The following MTHFD1L variants were observed in gnomAD, a reference collection of about 807,000 sequenced individuals.
MTHFD1L encodes monofunctional C1-tetrahydrofolate synthase, mitochondrial.
A neutral mutation model predicts 119.5 loss-of-function variants in MTHFD1L; 81 were observed. The ratio of observed to expected loss-of-function variants is 0.68; its 90% CI spans 0.57 to 0.82. The LOEUF is 0.82. Ranked by LOEUF, MTHFD1L falls within the 40% of genes least tolerant of loss-of-function variation. MTHFD1L has a pLI of 0.00. For missense variants in MTHFD1L, 1,125 were observed against 1,253.4 expected (o/e 0.90, Z 1.55); for synonymous variants, 430 against 475.2 (o/e 0.90, Z 1.24).
chr6:150,937,086 C>A (rs906146132), intron 12 of MTHFD1L, 146 bp downstream of exon 12: 2 of 1,027,032 alleles, frequency 1.9e-6, no homozygotes, highest in Non-Finnish European at 2.7e-6. Context: ...ATAGTGGTCG[C>A]CCCATGTTGG....
intron 26 of MTHFD1L, among the ~76,000 whole-genome samples, chr6:151,048,524 A>G (rs1331306683): frequency 6.6e-6 from 1 of 152,146 alleles, no homozygotes; most frequent in African/African-American, 2.4e-5. Context: ...AGGGCTAGGG[A>G]ATCTTCAAGG....
At chr6:151,042,287 T>C (rs563741124) in intron 26 of MTHFD1L, among the ~76,000 whole-genome samples, 1 of 152,330 alleles carries the variant, frequency 6.6e-6, no homozygotes, top group South Asian at 2.1e-4. Context: ...CTTCCCTCTT[T>C]TTTATGACAT....
chr6:150,998,647 C>A lies in MTHFD1L; in HGVS notation c.2126-11172C>A, dbSNP rs534090330. 9.4e-5 allele frequency among the ~76,000 whole-genome samples: 14 copies of A among 149,096 alleles called. No individual in the cohort carries two copies. In the South Asian group the frequency reaches 2.6e-3, roughly 28 times the overall value. ...CGTGTGGCGGGTTGCAGTCAGCATG[C>A]AGTTAAATCTTTCATATATGCACAA... On this transcript the variant is annotated intron_variant, in intron 20 of 27. Transcript: ENST00000367321.
intron 24 of MTHFD1L, among the ~76,000 whole-genome samples, chr6:151,019,622 CA>C (rs1218269807): frequency 2.2e-4 from 34 of 152,170 alleles, no homozygotes; most frequent in Non-Finnish European, 4.4e-4. Flanking sequence ...TTTCTTGTAA[CA>C]GAAATTCGAT....
Position 151,046,503 on chromosome 6 carries a change from A to G in MTHFD1L, c.2847+9386A>G, listed in dbSNP as rs1340506897. Among the ~76,000 whole-genome samples, 6 of 130,854 alleles carry G rather than the reference A, an allele frequency of 4.6e-5. No individual in the cohort carries two copies. In the South Asian group the frequency reaches 7.3e-4, roughly 16 times the overall value. 85.8% of individuals were successfully genotyped at this position (130,854 alleles called of 152,430 possible). A position where few individuals can be genotyped will look rare whatever the true frequency, so the allele number is the denominator to read the frequency against. On this transcript the variant is annotated intron_variant, in intron 26 of 27. Coordinates refer to ENST00000367321, the MANE Select transcript of MTHFD1L (RefSeq NM_015440.5). Reference sequence around the variant, plus strand: ...TATATATATATATATATATATATATATATATATATATAGACTCATTTTTCT... The same window carrying G: ...TATATATATATATATATATATATATGTATATATATATAGACTCATTTTTCT...
At chr6:151,043,385 C>T (rs1374876940) in intron 26 of MTHFD1L, among the ~76,000 whole-genome samples, 1 of 151,244 alleles carries the variant, frequency 6.6e-6, no homozygotes, top group East Asian at 2.0e-4. Flanking sequence ...CTGCCTCAGC[C>T]TCCCAAGTAG....
At chr6:151,032,114 T>C (rs1228993874) in intron 24 of MTHFD1L, among the ~76,000 whole-genome samples, 1 of 152,210 alleles carries the variant, frequency 6.6e-6, no homozygotes, top group African/African-American at 2.4e-5. Context: ...GTTCTTTTGG[T>C]TTTGTTTTAT....
chr6:150,941,542 A>T (rs904766515), intron 13 of MTHFD1L, among the ~76,000 whole-genome samples: 1 of 152,232 alleles, frequency 6.6e-6, no homozygotes, highest in East Asian at 1.9e-4. Flanking sequence ...GAAAGATGTC[A>T]GTGACTTGGC....
In MTHFD1L at chr6:151,009,959, G is replaced by T. The variant is rs1781990433; in HGVS notation, c.2265+1G>T. ...GAAGATGCATGGAGGCGGGCCAAGT[G>T]TAAGTGCCCACACCGCCTTCCTAAT... On this transcript the variant is annotated splice_donor_variant, in intron 21 of 27. Transcript: ENST00000367321. LOFTEE classifies it high-confidence loss of function. 9 of 1,597,490 alleles carry T rather than the reference G, an allele frequency of 5.6e-6. No individual in the cohort carries two copies. The East Asian group carries it at 1.1e-4, about 20-fold the overall frequency.
In MTHFD1L at chr6:150,893,893, G is replaced by A. The variant is rs149221887; in HGVS notation, c.780+5912G>A. On this transcript the variant is annotated intron_variant, in intron 7 of 27. Transcript: ENST00000367321. ...TGCTGCTCTGAGCCTGTTCCCTCGCGTAGAAAGGCAATCATAATACTCCCT... is the reference window on the plus strand; with the variant it reads ...TGCTGCTCTGAGCCTGTTCCCTCGCATAGAAAGGCAATCATAATACTCCCT... Among the ~76,000 whole-genome samples the A allele has an allele frequency of 2.6e-3, 398 of 152,302 alleles. 3 individuals carry two copies. Among genetic ancestry groups the A allele is most frequent in the African/African-American group, 9.3e-3 (386 of 41,540 alleles).
At chr6:150,988,938 C>G (rs1413942595) in intron 20 of MTHFD1L, among the ~76,000 whole-genome samples, 4 of 152,094 alleles carry the variant, frequency 2.6e-5, no homozygotes, top group Non-Finnish European at 4.4e-5. Flanking sequence ...TGGGGTTTCT[C>G]CATGTTGGTC....
At chr6:151,080,207 C>T (rs1470913051) in intron 26 of MTHFD1L, among the ~76,000 whole-genome samples, 1 of 152,106 alleles carries the variant, frequency 6.6e-6, no homozygotes, top group Non-Finnish European at 1.5e-5. Context: ...CTATTGGTCT[C>T]ATAGTGTTTC....
intron 10 of MTHFD1L, among the ~76,000 whole-genome samples, chr6:150,923,509 C>CTTTATTTA (rs368593673): frequency 0.026 from 3,072 of 118,028 alleles, 121 homozygotes; most frequent in African/African-American, 0.065. Flanking sequence ...GTAACTGACA[C>CTTTATTTA]TTTATTTATT....
chr6:150,991,066 A>G (rs2128443774), intron 20 of MTHFD1L, among the ~76,000 whole-genome samples: 1 of 152,134 alleles, frequency 6.6e-6, no homozygotes, highest in African/African-American at 2.4e-5. Context: ...CATGTTGTCC[A>G]GGCTGCTCTT....
At position 151,045,117 on chromosome 6, in the gene MTHFD1L, GT is replaced by G. The variant is rs1433484213; in HGVS notation, c.2847+8002del. Among the ~76,000 whole-genome samples the G allele has an allele frequency of 9.2e-5, 14 of 152,276 alleles. No individual in the cohort carries two copies. In the East Asian group the frequency reaches 2.3e-3, roughly 25 times the overall value. ...GGCCCTACTTAGGGATGCACGGTTG[GT>G]TATACGCTTGCTTCACTCGGTTAGG... On this transcript the variant is annotated intron_variant, in intron 26 of 27. Transcript: ENST00000367321.
intron 7 of MTHFD1L, among the ~76,000 whole-genome samples, chr6:150,895,743 A>C (rs1784110935): frequency 1.3e-5 from 2 of 151,856 alleles, no homozygotes; most frequent in Non-Finnish European, 2.9e-5. Flanking sequence ...CTTGTATTAT[A>C]CATGTGAAAG....
chr6:150,945,382 A>G lies in MTHFD1L; in HGVS notation c.1549-85A>G, dbSNP rs1416445066. 9 of 1,077,026 alleles carry G rather than the reference A, an allele frequency of 8.4e-6. 1 individual carries two copies. Among genetic ancestry groups the G allele is most frequent in the African/African-American group, 1.6e-5 (1 of 62,728 alleles). The allele number at this position is 1,077,026 out of a possible 1,614,324, so 66.7% of individuals were successfully genotyped here. A position where few individuals can be genotyped will look rare whatever the true frequency, so the allele number is the denominator to read the frequency against. On this transcript the variant is annotated intron_variant, in intron 14 of 27. Coordinates refer to ENST00000367321, the MANE Select transcript of MTHFD1L (RefSeq NM_015440.5). Reference sequence around the variant, plus strand: ...TCTAAATAGTTCGGTTATAAATGCAATGAATTTTTGTCATATCCTGTGAAT... The same window carrying G: ...TCTAAATAGTTCGGTTATAAATGCAGTGAATTTTTGTCATATCCTGTGAAT...
chr6:151,044,173 C>T (rs555030074), intron 26 of MTHFD1L, among the ~76,000 whole-genome samples: 282 of 152,226 alleles, frequency 1.9e-3, no homozygotes, highest in Non-Finnish European at 2.9e-3. Flanking sequence ...CAGCTTAGGG[C>T]CTGCCCCCCA....
At chr6:151,067,986 T>C (rs1791520747) in intron 26 of MTHFD1L, among the ~76,000 whole-genome samples, 1 of 152,246 alleles carries the variant, frequency 6.6e-6, no homozygotes, top group South Asian at 2.1e-4. Flanking sequence ...TTTGTGATTT[T>C]TAGTGAGGCT....
Sources: allele counts gnomAD v4.1 joint callset (sites outside exome capture counted in the v4.1 genomes callset), GRCh38; gene constraint gnomAD v4.1.1; transcripts MANE v1.5; gene names NCBI Gene and HGNC (gene_info 2026-07-23, HGNC 2026-07-21).